Variants in CACNA2D3 observed in about 807,000 individuals in gnomAD.
The protein encoded by CACNA2D3 is voltage-dependent calcium channel subunit alpha-2/delta-3.
Under a neutral mutation model 160.6 loss-of-function variants are expected in CACNA2D3, and 60 were observed. That is an observed-to-expected ratio of 0.37 (90% CI 0.30 to 0.46). The LOEUF (loss-of-function observed/expected upper bound fraction) is 0.46, where lower values mean the gene tolerates loss of function less well. Ranked by LOEUF, CACNA2D3 falls within the 20% of genes least tolerant of loss-of-function variation. The probability of loss-of-function intolerance (pLI) is 1.00; values close to 1 mark genes in which losing one functional copy is unlikely to be tolerated. For synonymous variants in CACNA2D3, 558 were observed against 492.9 expected, an observed-to-expected ratio of 1.13 and a Z score of -1.75; for missense variants, 1,205 against 1,365.0, an observed-to-expected ratio of 0.88 and a Z score of 1.85.
intron 9 of CACNA2D3, among the ~76,000 whole-genome samples, chr3:54,613,729 C>T (rs879366729): frequency 1.3e-5 from 2 of 152,164 alleles, no homozygotes; most frequent in Admixed American, 6.5e-5. Flanking sequence ...GCTCATGGTG[C>T]GCTGTGTTCC....
At chr3:54,562,068 C>A (rs1174166609) in intron 5 of CACNA2D3, among the ~76,000 whole-genome samples, 6 of 152,144 alleles carry the variant, frequency 3.9e-5, no homozygotes, top group African/African-American at 1.4e-4. Context: ...CCTACCAGGT[C>A]CCTCCCACAA....
chr3:55,004,969 C>A (rs1386972365), intron 32 of CACNA2D3, 131 bp downstream of exon 32: 19 of 547,662 alleles, frequency 3.5e-5, no homozygotes, highest in African/African-American at 8.7e-5. Flanking sequence ...ACTTTACTCA[C>A]TTAAAAAAAA....
intron 10 of CACNA2D3, among the ~76,000 whole-genome samples, chr3:54,628,340 C>A (rs1355173128): frequency 1.3e-5 from 2 of 152,164 alleles, no homozygotes; most frequent in Non-Finnish European, 2.9e-5. Context: ...ATCTAGGGAA[C>A]CAGATGCCAG....
Position 54,618,380 on chromosome 3 carries a change from C to T in CACNA2D3, c.964-9407C>T, listed in dbSNP as rs1279801559. Among the ~76,000 whole-genome samples, 717 of 97,338 alleles carry T rather than the reference C, an allele frequency of 7.4e-3. 3 individuals are homozygous for T. Among genetic ancestry groups the T allele is most frequent in the Middle Eastern group, 0.031 (6 of 192 alleles). The allele number at this position is 97,338 out of a possible 152,430, so 63.9% of individuals were successfully genotyped here. A position where few individuals can be genotyped will look rare whatever the true frequency, so the allele number is the denominator to read the frequency against. ...ATATATATATATATATATATGCACA[C>T]ACACACACACACACACACACACACA... On this transcript the variant is annotated intron_variant, in intron 9 of 37. Coordinates refer to ENST00000474759, the MANE Select transcript of CACNA2D3 (RefSeq NM_018398.3).
chr3:54,658,671 G>A (rs535130199), intron 11 of CACNA2D3, among the ~76,000 whole-genome samples: 1 of 152,292 alleles, frequency 6.6e-6, no homozygotes, highest in South Asian at 2.1e-4. Context: ...ACCAAACTAA[G>A]AAGCTTCTGC....
chr3:54,627,741 A>G (rs1392050337), intron 9 of CACNA2D3, 46 bp from the exon 10 acceptor site: 1 of 1,225,702 alleles, frequency 8.2e-7, no homozygotes, highest in Non-Finnish European at 1.2e-6. Context: ...TTGGTGTTTC[A>G]CATAACAGGA....
intron 3 of CACNA2D3, among the ~76,000 whole-genome samples, chr3:54,380,151 A>G (rs1699076316): frequency 6.6e-6 from 1 of 152,240 alleles, no homozygotes; most frequent in African/African-American, 2.4e-5. Context: ...TTGGTACAAG[A>G]CAAGAGTTTG....
chr3:54,458,676 G>T (rs1196827552), intron 4 of CACNA2D3, among the ~76,000 whole-genome samples: 1 of 151,882 alleles, frequency 6.6e-6, no homozygotes, highest in South Asian at 2.1e-4. Flanking sequence ...TCTGTTGGAG[G>T]TTTCTGAGCT....
At chr3:54,977,622 T>C (rs1001697678) in intron 29 of CACNA2D3, among the ~76,000 whole-genome samples, 2 of 152,190 alleles carry the variant, frequency 1.3e-5, no homozygotes, top group Non-Finnish European at 2.9e-5. Flanking sequence ...GGGATTTGAA[T>C]ATTGACAGTA....
intron 4 of CACNA2D3, among the ~76,000 whole-genome samples, chr3:54,422,445 G>T (rs1699851750): frequency 6.6e-6 from 1 of 152,116 alleles, no homozygotes; most frequent in Non-Finnish European, 1.5e-5. Flanking sequence ...GAAGGATATA[G>T]AAAGAACCCC....
chr3:54,603,303 C>T (rs1329039897), intron 9 of CACNA2D3, among the ~76,000 whole-genome samples: 2 of 152,200 alleles, frequency 1.3e-5, no homozygotes, highest in Admixed American at 1.3e-4. Context: ...CTGAGTTGCC[C>T]AAAAGTGCTC....
chr3:54,443,817 A>G (rs1392363175), intron 4 of CACNA2D3, among the ~76,000 whole-genome samples: 2 of 152,226 alleles, frequency 1.3e-5, no homozygotes, highest in Non-Finnish European at 2.9e-5. Context: ...GATTTGAGTC[A>G]TCGGTCATAG....
chr3:54,410,751 G>T (rs762219939), intron 4 of CACNA2D3, among the ~76,000 whole-genome samples: 1 of 152,156 alleles, frequency 6.6e-6, no homozygotes, highest in Non-Finnish European at 1.5e-5. Flanking sequence ...CGCAACATCC[G>T]TTCTACAGTC....
intron 3 of CACNA2D3, among the ~76,000 whole-genome samples, chr3:54,363,196 A>AATATATATATATATATATAT (rs377127378): frequency 1.3e-5 from 2 of 151,304 alleles, no homozygotes; most frequent in East Asian, 4.1e-4. Flanking sequence ...TCCATCTCCA[A>AATATATATATATATATATAT]ATATATATAT....
chr3:54,691,334 G>T (rs1700566478), intron 11 of CACNA2D3, among the ~76,000 whole-genome samples: 1 of 152,206 alleles, frequency 6.6e-6, no homozygotes, highest in Non-Finnish European at 1.5e-5. Context: ...TTCAGCAGCA[G>T]CCAGGCTCTT....
chr3:54,725,668 A>G (rs537303776), intron 11 of CACNA2D3, among the ~76,000 whole-genome samples: 2 of 152,304 alleles, frequency 1.3e-5, no homozygotes, highest in African/African-American at 2.4e-5. Flanking sequence ...AAACCACATG[A>G]TTATCTCAAT....
At chr3:54,147,057 C>G (rs1000964886) in intron 2 of CACNA2D3, among the ~76,000 whole-genome samples, 36 of 152,242 alleles carry the variant, frequency 2.4e-4, no homozygotes, top group African/African-American at 8.7e-4. Context: ...TTTTCTGCAT[C>G]AGAACCCATA....
At chr3:54,484,102 C>T (rs73091648) in intron 4 of CACNA2D3, among the ~76,000 whole-genome samples, 45,664 of 152,010 alleles carry the variant, frequency 0.3, 7,624 homozygotes, top group Non-Finnish European at 0.37. Flanking sequence ...TTGAGTAAGA[C>T]CTCAAGAAAC....
intron 34 of CACNA2D3, among the ~76,000 whole-genome samples, chr3:55,012,099 A>G (rs1473693301): frequency 6.6e-6 from 1 of 152,050 alleles, no homozygotes; most frequent in Non-Finnish European, 1.5e-5. Context: ...GTGGTTAGGC[A>G]CCCTGGGTAG....
Sources: gnomAD v4.1 joint callset for allele counts (sites outside exome capture counted in the v4.1 genomes callset) on GRCh38, gnomAD v4.1.1 for gene constraint, MANE v1.5 for transcripts, NCBI Gene and HGNC (gene_info 2026-07-23, HGNC 2026-07-21) for gene names.